Variants in PIK3R1 observed in about 807,000 individuals in gnomAD.
The protein encoded by PIK3R1 is phosphatidylinositol 3-kinase regulatory subunit alpha.
Under a neutral mutation model 98.0 loss-of-function variants are expected in PIK3R1, and 29 were observed. The observed-to-expected ratio is 0.30, with a 90% CI of 0.22 to 0.40. The LOEUF is 0.40. PIK3R1 is among the 10% of genes least tolerant of loss of function. PIK3R1 has a pLI of 1.00. For missense variants in PIK3R1, 596 were observed against 872.7 expected (o/e 0.68, Z 3.99); for synonymous variants, 282 against 311.8 (o/e 0.90, Z 1.01).
rs778144941 is a variant in PIK3R1 at position 68,294,474 on chromosome 5, T to C, written c.1426-62T>C. 1.8e-4 allele frequency: 231 copies of C among 1,271,108 alleles called. 1 individual carries two copies. The Middle Eastern group carries it at 4.4e-3, about 24-fold the overall frequency. The allele number at this position is 1,271,108 out of a possible 1,614,324, so 78.7% of individuals were successfully genotyped here. ...ATACAGATCAAATGTCCTGGTAGTG[T>C]CTTGCAGTAAGAGATTGTTCTATGA... On this transcript the variant is annotated intron_variant, in intron 11 of 15. Coordinates refer to ENST00000521381, the MANE Select transcript of PIK3R1 (RefSeq NM_181523.3).
intron 4 of PIK3R1, among the ~76,000 whole-genome samples, chr5:68,275,710 T>A (rs1189276535): frequency 6.6e-6 from 1 of 151,994 alleles, no homozygotes; most frequent in Non-Finnish European, 1.5e-5. Context: ...TATAAATAAA[T>A]AAATGATGTC....
intron 7 of PIK3R1, 47 bp from the exon 8 acceptor site, chr5:68,292,212 T>G: frequency 8.7e-7 from 1 of 1,151,060 alleles, no homozygotes; most frequent in Non-Finnish European, 1.3e-6. Context: ...GAAATTTAGT[T>G]CTAATGTAGT....
At chr5:68,293,535 T>TTAATACTTAGAAAA (rs754863027) in intron 10 of PIK3R1, 52 bp downstream of exon 10, 2 of 1,429,398 alleles carry the variant, frequency 1.4e-6, no homozygotes, top group Non-Finnish European at 1.9e-6. Flanking sequence ...CAAGATCCTT[T>TTAATACTTAGAAAA]TAATACTTAG....
intron 2 of PIK3R1, among the ~76,000 whole-genome samples, chr5:68,231,100 A>G (rs1446960664): frequency 6.6e-6 from 1 of 152,186 alleles, no homozygotes; most frequent in East Asian, 1.9e-4. Flanking sequence ...ATATGGGAAT[A>G]AAAATATATT....
rs1024161719 is a variant in PIK3R1 at position 68,279,608 on chromosome 5, C to A, written c.509C>A (p.Pro170His). ...ELRQLLDCDT[P>H]SVDLEMIDVH... ...TTCTTAAATTGTTTCCTAGATACAC[C>A]CTCCGTGGACTTGGAAATGATCGAT... Residue 170 changes from proline to histidine, a missense_variant, in exon 5 of 16, where the codon CCC becomes CAC. Pro to His is a moderately conservative substitution (Grantham distance 77, BLOSUM62 -2). Transcript: ENST00000521381. The A allele has an allele frequency of 6.2e-7, 1 of 1,612,610 alleles. No individual in the cohort carries two copies. The highest frequency in any genetic ancestry group is 1.3e-5 in the African/African-American group (1 of 74,734).
intron 2 of PIK3R1, among the ~76,000 whole-genome samples, chr5:68,269,901 CT>C (rs1746276175): frequency 6.6e-6 from 1 of 151,826 alleles, no homozygotes; most frequent in African/African-American, 2.4e-5. Flanking sequence ...AAAAAAATCC[CT>C]GTAAAATTTA....
intron 7 of PIK3R1, chr5:68,288,367 G>T (rs1470699602): frequency 1.9e-6 from 2 of 1,064,480 alleles, no homozygotes; most frequent in Non-Finnish European, 2.3e-6. Context: ...ATGAAGCTGC[G>T]ATCTTTATCT....
intron 1 of PIK3R1, chr5:68,217,453 T>C (rs1056371971): frequency 1.3e-5 from 2 of 152,186 alleles, no homozygotes; most frequent in Admixed American, 1.3e-4. Context: ...TCTTTTAACA[T>C]TGAAAAAGGA....
chr5:68,295,146 A>G lies in PIK3R1; in HGVS notation c.1569-2A>G. 6.2e-7 allele frequency: 1 copy of G among 1,612,554 alleles called. No homozygotes were observed. The highest frequency in any genetic ancestry group is 8.5e-7 in the Non-Finnish European group (1 of 1,178,956). Reference sequence around the variant, plus strand: ...TAACAAATACGTTTCTTTTGCCTGCAGGATTATGCATAATTATGATAAGTT... The same window carrying G: ...TAACAAATACGTTTCTTTTGCCTGCGGGATTATGCATAATTATGATAAGTT... On this transcript the variant is annotated splice_acceptor_variant, in intron 12 of 15. Coordinates refer to ENST00000521381, the MANE Select transcript of PIK3R1 (RefSeq NM_181523.3). LOFTEE classifies it high-confidence loss of function.
chr5:68,277,635 C>T (rs251409), intron 4 of PIK3R1, among the ~76,000 whole-genome samples: 132,933 of 152,232 alleles, frequency 0.87, 58,477 homozygotes, highest in African/African-American at 0.97. Context: ...CTGTCATATT[C>T]CATTCAAGGT....
intron 1 of PIK3R1, among the ~76,000 whole-genome samples, chr5:68,220,851 A>T (rs79665758): frequency 0.013 from 1,909 of 152,314 alleles, 15 homozygotes; most frequent in Middle Eastern, 0.044. Flanking sequence ...ACATACCATA[A>T]AATTCACCCT....
chr5:68,221,925 G>C (rs1744105044), intron 1 of PIK3R1, among the ~76,000 whole-genome samples: 1 of 152,214 alleles, frequency 6.6e-6, no homozygotes, highest in African/African-American at 2.4e-5. Flanking sequence ...ATTTTGAACT[G>C]TTGCATATGA....
chr5:68,292,466 A>G, intron 8 of PIK3R1, 105 bp downstream of exon 8: 1 of 1,431,386 alleles, frequency 7.0e-7, no homozygotes, highest in Non-Finnish European at 9.7e-7. Flanking sequence ...ATAAGCATGA[A>G]GCATAGTTGG....
chr5:68,279,495 A>ATT lies in PIK3R1; in HGVS notation c.503-93_503-92dup, dbSNP rs58796984. 485 of 674,002 alleles carry ATT rather than the reference A, an allele frequency of 7.2e-4. 1 individual carries two copies. The highest frequency in any genetic ancestry group is 5.2e-3 in the African/African-American group (272 of 51,886). The allele number at this position is 674,002 out of a possible 1,614,324, so 41.8% of individuals were successfully genotyped here. A position where few individuals can be genotyped will look rare whatever the true frequency, so the allele number is the denominator to read the frequency against. ...GTATTTATCCTCATATTGCTTCCTT[A>ATT]TTTTTTTTTTTTTTTGTCACATGTG... is the stretch of plus-strand genomic sequence containing the variant. On this transcript the variant is annotated intron_variant, in intron 4 of 15. Coordinates refer to ENST00000521381, the MANE Select transcript of PIK3R1 (RefSeq NM_181523.3).
intron 1 of PIK3R1, among the ~76,000 whole-genome samples, chr5:68,219,813 G>A (rs979898667): frequency 6.6e-6 from 1 of 152,214 alleles, no homozygotes; most frequent in Non-Finnish European, 1.5e-5. Context: ...TTGTATAAAT[G>A]GCAGTAGGTG....
At chr5:68,237,508 G>C (rs1382911714) in intron 2 of PIK3R1, among the ~76,000 whole-genome samples, 1 of 151,452 alleles carries the variant, frequency 6.6e-6, no homozygotes, top group East Asian at 1.9e-4. Context: ...ACATTGCCCA[G>C]AGATAGTCTC....
intron 7 of PIK3R1, among the ~76,000 whole-genome samples, chr5:68,281,405 G>A (rs1476030707): frequency 2.0e-5 from 3 of 152,244 alleles, no homozygotes; most frequent in African/African-American, 7.2e-5. Flanking sequence ...TTTTTTGGAA[G>A]TGGGTATGCT....
At chr5:68,228,617 A>AT (rs925439606) in intron 2 of PIK3R1, among the ~76,000 whole-genome samples, 3 of 151,922 alleles carry the variant, frequency 2.0e-5, no homozygotes, top group South Asian at 2.1e-4. Context: ...TTCACCTTTT[A>AT]TTTTTTTTAA....
chr5:68,262,403 T>TAC (rs137933097), intron 2 of PIK3R1, among the ~76,000 whole-genome samples: 37 of 140,608 alleles, frequency 2.6e-4, no homozygotes, highest in African/African-American at 6.0e-4. Flanking sequence ...TATATATATA[T>TAC]ACACACACGC....
Sources: gnomAD v4.1 joint callset for allele counts (sites outside exome capture counted in the v4.1 genomes callset) on GRCh38, gnomAD v4.1.1 for gene constraint, MANE v1.5 for transcripts, NCBI Gene and HGNC (gene_info 2026-07-23, HGNC 2026-07-21) for gene names.